Variants in PCDHA11 observed in about 807,000 individuals in gnomAD.
PCDHA11 encodes the protein protocadherin alpha 11.
A neutral mutation model predicts 70.3 loss-of-function variants in PCDHA11; 61 were observed. That is an observed-to-expected ratio of 0.87 (90% CI 0.71 to 1.07). The LOEUF (loss-of-function observed/expected upper bound fraction) is 1.07. PCDHA11 is among the 50% of genes least tolerant of loss of function. The probability of loss-of-function intolerance (pLI) is 0.00; values close to 1 mark genes in which losing one functional copy is unlikely to be tolerated. For synonymous variants in PCDHA11, 633 were observed against 555.1 expected, an observed-to-expected ratio of 1.14 and a Z score of -1.97; for missense variants, 1,324 against 1,237.5, an observed-to-expected ratio of 1.07 and a Z score of -1.05.
chr5:140,929,499 C>G, intron 1 of PCDHA11: 1 of 980,264 alleles, frequency 1.0e-6, no homozygotes, highest in South Asian at 3.1e-5. Flanking sequence ...GAAGATTGCC[C>G]TAGGCCTCAA....
In PCDHA11 at chr5:140,869,541, G is replaced by A. The variant is rs1554163213; in HGVS notation, c.438G>A (p.Lys146=). ...AAAAGCTGCTGATTGCGGAATCTAA[G>A]CAATCGGACTCGCGTTTTCCACTAG... is the stretch of plus-strand genomic sequence containing the variant. ...REQKLLIAES[K]QSDSRFPLEG... is the part of the protein sequence containing the mutation. Residue 146 remains lysine (K), a synonymous_variant, in exon 1 of 4, where the codon AAG becomes AAA. Transcript: ENST00000398640. The A allele has an allele frequency of 6.2e-7, 1 of 1,614,204 alleles. No individual in the cohort carries two copies. Among genetic ancestry groups the A allele is most frequent in the East Asian group, 2.2e-5 (1 of 44,890 alleles).
At chr5:140,983,408 A>G (rs1554245369) in intron 3 of PCDHA11, among the ~76,000 whole-genome samples, 1 of 152,208 alleles carries the variant, frequency 6.6e-6, no homozygotes, top group Non-Finnish European at 1.5e-5. Flanking sequence ...GGGAAGATTA[A>G]GTGTTGGTAG....
Position 141,009,631 on chromosome 5 carries a change from A to G in PCDHA11, c.2544A>G (p.Pro848=). 6.2e-7 allele frequency: 1 copy of G among 1,613,068 alleles called. No individual in the cohort carries two copies. The highest frequency in any genetic ancestry group is 8.5e-7 in the Non-Finnish European group (1 of 1,179,354). The change falls in exon 4 of 4, where the codon CCA becomes CCG. Residue 848 remains proline (P), a synonymous_variant. Transcript: ENST00000398640. ...WPTVSSATPE[P]EAGEVSPPVG... is the part of the protein sequence containing the mutation. ...TTGTAATGTTTTGTCTTTCAGAACC[A>G]GAGGCAGGAGAAGTGTCCCCTCCAG...
rs745800805 is a variant in PCDHA11, at chr5:140,935,890, T to C, written c.2392-43059T>C. 2.5e-4 allele frequency among the ~76,000 whole-genome samples: 34 copies of C among 135,750 alleles called. 1 individual carries two copies. Among genetic ancestry groups the C allele is most frequent in the Non-Finnish European group, 4.4e-4 (27 of 61,954 alleles). 89.1% of individuals were successfully genotyped at this position (135,750 alleles called of 152,430 possible). A position where few individuals can be genotyped will look rare whatever the true frequency, so the allele number is the denominator to read the frequency against. On this transcript the variant is annotated intron_variant, in intron 1 of 3. Coordinates refer to ENST00000398640, the MANE Select transcript of PCDHA11 (RefSeq NM_018902.5). ...ATTAATGAGCTCCAATTTATCAATA[T>C]TATCTTTTTTTTTTTTTTTTGAGAC...
chr5:140,969,228 G>C, intron 1 of PCDHA11: 1 of 1,614,176 alleles, frequency 6.2e-7, no homozygotes, highest in Non-Finnish European at 8.5e-7. Flanking sequence ...GGGCCTTCGG[G>C]AGCCCAAGCA....
intron 1 of PCDHA11, among the ~76,000 whole-genome samples, chr5:140,910,576 C>T (rs1305355365): frequency 6.6e-6 from 1 of 152,174 alleles, no homozygotes; most frequent in African/African-American, 2.4e-5. Context: ...TTTTCTGGAT[C>T]CTCCCAGCTG....
intron 2 of PCDHA11, among the ~76,000 whole-genome samples, chr5:140,980,889 T>C (rs1554242442): frequency 2.6e-5 from 4 of 152,202 alleles, no homozygotes; most frequent in Non-Finnish European, 4.4e-5. Flanking sequence ...GTCTTTCCAG[T>C]CTTGGACATC....
chr5:141,000,192 T>C lies in PCDHA11; in HGVS notation c.2540-9435T>C, dbSNP rs112948047. 6.4e-3 allele frequency among the ~76,000 whole-genome samples: 968 copies of C among 151,888 alleles called. 13 individuals carry two copies. Among genetic ancestry groups the C allele is most frequent in the African/African-American group, 0.023 (941 of 41,384 alleles). ...TTGAGCCAAGGAGTCAATGTGAGAA[T>C]AGTTTTTCACCTTCATTATCAAATG... On this transcript the variant is annotated intron_variant, in intron 3 of 3. Coordinates refer to ENST00000398640, the MANE Select transcript of PCDHA11 (RefSeq NM_018902.5).
intron 1 of PCDHA11, among the ~76,000 whole-genome samples, chr5:140,941,214 C>CTTT (rs1554214039): frequency 0.031 from 3,845 of 122,336 alleles, 93 homozygotes; most frequent in South Asian, 0.048. Flanking sequence ...TTTCTTTCTT[C>CTTT]CTTTCTTTCT....
chr5:140,929,245 A>G, intron 1 of PCDHA11: 1 of 1,613,774 alleles, frequency 6.2e-7, no homozygotes. Flanking sequence ...AAATCTTGCC[A>G]CTGGGGTAGG....
intron 1 of PCDHA11, among the ~76,000 whole-genome samples, chr5:140,911,931 T>C (rs1057514341): frequency 1.8e-4 from 28 of 152,134 alleles, no homozygotes; most frequent in African/African-American, 6.8e-4. Context: ...ACTAATAGGA[T>C]AGATGTATAT....
At chr5:140,929,175 A>G (rs1554206790) in intron 1 of PCDHA11, 2 of 1,614,126 alleles carry the variant, frequency 1.2e-6, no homozygotes, top group East Asian at 4.5e-5. Flanking sequence ...CCTCTCTGGG[A>G]CTTGGTTCTG....
intron 1 of PCDHA11, chr5:140,966,281 G>C (rs1261464121): frequency 8.2e-5 from 30 of 366,710 alleles, no homozygotes; most frequent in Non-Finnish European, 1.3e-4. Flanking sequence ...TGGACAGTGG[G>C]GGTAGGGAGA....
chr5:141,007,277 C>T (rs2098312243), intron 3 of PCDHA11, among the ~76,000 whole-genome samples: 1 of 151,304 alleles, frequency 6.6e-6, no homozygotes, highest in Non-Finnish European at 1.5e-5. Context: ...AGGCTGGGTG[C>T]AGTGGGCTCA....
intron 1 of PCDHA11, among the ~76,000 whole-genome samples, chr5:140,911,327 C>T (rs2153517846): frequency 6.6e-6 from 1 of 152,324 alleles, no homozygotes; most frequent in South Asian, 2.1e-4. Context: ...GGATCCCATT[C>T]TTTTCCAATC....
rs187904552 is a variant in PCDHA11 at position 140,875,781 on chromosome 5, T to C, written c.2391+4287T>C. ...TGTGCGGGCGGAGCGCGGAGTGCAGTATCCACCTGGAGGTGATCGTGGACA... is the reference window on the plus strand; with the variant it reads ...TGTGCGGGCGGAGCGCGGAGTGCAGCATCCACCTGGAGGTGATCGTGGACA... On this transcript the variant is annotated intron_variant, in intron 1 of 3. Coordinates refer to ENST00000398640, the MANE Select transcript of PCDHA11 (RefSeq NM_018902.5). 4.7e-3 allele frequency: 7,631 copies of C among 1,614,134 alleles called. 28 individuals carry two copies. Among genetic ancestry groups the C allele is most frequent in the Middle Eastern group, 6.4e-3 (39 of 6,062 alleles).
At chr5:140,927,672 A>G in intron 1 of PCDHA11, 1 of 1,614,202 alleles carries the variant, frequency 6.2e-7, no homozygotes, top group Non-Finnish European at 8.5e-7. Flanking sequence ...CCTTGGATCC[A>G]GATGAAGGGT....
At chr5:140,955,155 C>T (rs1241099289) in intron 1 of PCDHA11, among the ~76,000 whole-genome samples, 1 of 152,088 alleles carries the variant, frequency 6.6e-6, no homozygotes, top group Non-Finnish European at 1.5e-5. Context: ...GTACCAGTAC[C>T]GTGCTGTTTT....
At chr5:140,876,549 G>A in intron 1 of PCDHA11, 2 of 1,614,206 alleles carry the variant, frequency 1.2e-6, no homozygotes, top group Non-Finnish European at 1.7e-6. Flanking sequence ...CGCTCCCTGT[G>A]CAAGAGGATG....
Sources: gnomAD v4.1 joint callset for allele counts (sites outside exome capture counted in the v4.1 genomes callset) on GRCh38, gnomAD v4.1.1 for gene constraint, MANE v1.5 for transcripts, NCBI Gene and HGNC (gene_info 2026-07-23, HGNC 2026-07-21) for gene names.